Variants in PADI3 observed in about 807,000 individuals in gnomAD.
PADI3 encodes the protein protein-arginine deiminase type-3.
In PADI3, 53 loss-of-function variants were observed where a neutral mutation model predicts 71.5. The observed-to-expected ratio is 0.74, with a 90% confidence interval of 0.59 to 0.93. The LOEUF is 0.93. Among genes scored for constraint, PADI3 ranks in the 40% least tolerant of loss-of-function variants. The pLI is 0.00. For synonymous variants in PADI3, 361 were observed against 347.5 expected (o/e 1.04, Z -0.43); for missense variants, 821 against 868.0 (o/e 0.95, Z 0.68).
rs148271347 is a variant in PADI3, at chr1:17,259,690, C to A, written c.205C>A (p.Arg69Ser). 6.2e-6 allele frequency: 10 copies of A among 1,613,394 alleles called. No individual in the cohort carries two copies. The highest frequency in any genetic ancestry group is 1.7e-5 in the Admixed American group (1 of 59,962). ...GGAGCGTGCAGACACCAGGCGGTGGCGCTTTGACGCGACTTTGGAGATCAT... is the reference window on the plus strand; with the variant it reads ...GGAGCGTGCAGACACCAGGCGGTGGAGCTTTGACGCGACTTTGGAGATCAT... ...GRERADTRRW[R>S]FDATLEIIVV... Residue 69 changes from arginine (R) to serine (S), a missense_variant, in exon 2 of 16, where the codon CGC becomes AGC. By Grantham distance (110) the Arg-to-Ser change is moderately radical. Transcript: ENST00000375460.
chr1:17,260,773 C>T (rs777896907), intron 2 of PADI3, among the ~76,000 whole-genome samples: 33 of 152,164 alleles, frequency 2.2e-4, no homozygotes, highest in Non-Finnish European at 1.0e-4. Context: ...CATGATCTAG[C>T]GAGCGGCAGA....
Position 17,262,078 on chromosome 1 carries a change from T to G in PADI3, c.274-55T>G, listed in dbSNP as rs2073108821. 21 of 1,505,536 alleles carry G rather than the reference T, an allele frequency of 1.4e-5. No individual in the cohort carries two copies. The South Asian group carries it at 2.3e-4, about 16-fold the overall frequency. 93.3% of individuals were successfully genotyped at this position (1,505,536 alleles called of 1,614,324 possible). ...TACCAGATCCCCGAGAGCTATCTTT[T>G]GGGGCGGGAGCTCTTGGCTTCTGCT... On this transcript the variant is annotated intron_variant, in intron 2 of 15. Transcript: ENST00000375460.
intron 3 of PADI3, among the ~76,000 whole-genome samples, chr1:17,265,184 T>C (rs3003429): frequency 0.039 from 5,899 of 152,082 alleles, 177 homozygotes; most frequent in East Asian, 0.12. Flanking sequence ...TAGGGCTAAA[T>C]GTTAAGAAGG....
intron 10 of PADI3, 137 bp from the exon 11 acceptor site, chr1:17,274,498 C>T (rs1569912089): frequency 7.0e-6 from 5 of 710,478 alleles, no homozygotes; most frequent in East Asian, 2.7e-5. Context: ...CCCCACCCAC[C>T]GCCAATGACT....
intron 6 of PADI3, among the ~76,000 whole-genome samples, chr1:17,270,000 A>C (rs1390399762): frequency 2.0e-5 from 3 of 152,144 alleles, no homozygotes; most frequent in Non-Finnish European, 4.4e-5. Flanking sequence ...GGATGCTGCC[A>C]AATTGTGCTC....
At position 17,259,776 on chromosome 1, in the gene PADI3, G is replaced by A. The variant is rs766368755; in HGVS notation, c.273+18G>A. ...ACAGCCATGTGAGCTGGTCCCTGGTGGGGTGGGGAGAGGTTTCGAGGGAGG... is the reference window on the plus strand; with the variant it reads ...ACAGCCATGTGAGCTGGTCCCTGGTAGGGTGGGGAGAGGTTTCGAGGGAGG... On this transcript the variant is annotated intron_variant, in intron 2 of 15. Transcript: ENST00000375460. 1.3e-6 allele frequency: 2 copies of A among 1,577,742 alleles called. No individual in the cohort carries two copies. The highest frequency in any genetic ancestry group is 1.4e-5 in the African/African-American group (1 of 73,882).
chr1:17,280,252 T>C, intron 13 of PADI3, 98 bp from the exon 14 acceptor site: 1 of 912,266 alleles, frequency 1.1e-6, no homozygotes, highest in South Asian at 1.3e-5. Context: ...GCAAGACCAT[T>C]AGCTGTGAAC....
intron 3 of PADI3, among the ~76,000 whole-genome samples, chr1:17,265,098 C>G (rs911999694): frequency 6.6e-6 from 1 of 151,636 alleles, no homozygotes; most frequent in Non-Finnish European, 1.5e-5. Flanking sequence ...AAGAAGACTG[C>G]TTTTTTTTCA....
chr1:17,254,710 C>T (rs2073006837), intron 1 of PADI3, among the ~76,000 whole-genome samples: 1 of 147,528 alleles, frequency 6.8e-6, no homozygotes, highest in Non-Finnish European at 1.5e-5. Flanking sequence ...AGGGACCAGG[C>T]TCCAGCATTT....
chr1:17,265,236 A>G (rs1485782954), intron 3 of PADI3, among the ~76,000 whole-genome samples: 1 of 152,088 alleles, frequency 6.6e-6, no homozygotes, highest in Non-Finnish European at 1.5e-5. Context: ...TAGCTCAGAA[A>G]GGACACACAG....
In PADI3 at chr1:17,275,436, CAAAAAA is replaced by C. The variant is rs10617336; in HGVS notation, c.1307+668_1307+673del. Among the ~76,000 whole-genome samples, 6 of 89,482 alleles carry C rather than the reference CAAAAAA, an allele frequency of 6.7e-5. No homozygotes were observed. In the East Asian group the frequency reaches 1.4e-3, roughly 21 times the overall value. The allele number at this position is 89,482 out of a possible 152,430, so 58.7% of individuals were successfully genotyped here. On this transcript the variant is annotated intron_variant, in intron 11 of 15. Transcript: ENST00000375460. ...TGGGCGACAGAGCGAGACTCCGTCT[CAAAAAA>C]AAAAAAAAAAAAAAAAAGTAACAAA...
chr1:17,275,001 A>G (rs536520686), intron 11 of PADI3, among the ~76,000 whole-genome samples: 1 of 152,302 alleles, frequency 6.6e-6, no homozygotes, highest in African/African-American at 2.4e-5. Flanking sequence ...CAGAGACCTA[A>G]GAGATCATTC....
At chr1:17,276,322 G>A (rs1309763148) in intron 11 of PADI3, among the ~76,000 whole-genome samples, 197 bp from the exon 12 acceptor site, 2 of 152,166 alleles carry the variant, frequency 1.3e-5, no homozygotes, top group Non-Finnish European at 2.9e-5. Flanking sequence ...GAGTGACAGA[G>A]TGAGATTCCA....
intron 5 of PADI3, among the ~76,000 whole-genome samples, chr1:17,267,415 G>A (rs1209292580): frequency 6.6e-6 from 1 of 152,244 alleles, no homozygotes; most frequent in East Asian, 1.9e-4. Context: ...TGCTGTCCAC[G>A]GGAGATGCCC....
chr1:17,256,626 G>A (rs1010731330), intron 1 of PADI3, among the ~76,000 whole-genome samples: 3 of 152,348 alleles, frequency 2.0e-5, no homozygotes, highest in Admixed American at 1.3e-4. Flanking sequence ...AGGGGCTGGA[G>A]CCTGGGGACT....
intron 15 of PADI3, 80 bp from the exon 16 acceptor site, chr1:17,282,766 C>A: frequency 9.3e-7 from 1 of 1,077,740 alleles, no homozygotes; most frequent in Non-Finnish European, 1.4e-6. Context: ...GTCTAAAACA[C>A]AAACCTAGGT....
intron 10 of PADI3, 59 bp from the exon 11 acceptor site, chr1:17,274,576 G>A: frequency 1.3e-6 from 2 of 1,512,254 alleles, no homozygotes; most frequent in Non-Finnish European, 1.8e-6. Flanking sequence ...AGCCCAGCAA[G>A]TTGGTTCAGG....
rs918200383 is a variant in PADI3 at position 17,276,632 on chromosome 1, T to C, written c.1421T>C (p.Phe474Ser). 1.9e-6 allele frequency: 3 copies of C among 1,614,064 alleles called. No homozygotes were observed. Among genetic ancestry groups the C allele is most frequent in the Non-Finnish European group, 2.5e-6 (3 of 1,180,052 alleles). The change falls in exon 12 of 16, where the codon TTT (phenylalanine) becomes TCT (serine). Residue 474 changes from phenylalanine (F) to serine (S), a missense_variant. Phe to Ser is a radical substitution (Grantham distance 155). Coordinates refer to ENST00000375460, the MANE Select transcript of PADI3 (RefSeq NM_016233.2). ...DWLAVGHVDE[F>S]LSFVPAPDGK... ...TTGGCCGTGGGCCATGTGGATGAGTTTCTGAGCTTTGTCCCTGCCCCCGAT... is the reference window on the plus strand; with the variant it reads ...TTGGCCGTGGGCCATGTGGATGAGTCTCTGAGCTTTGTCCCTGCCCCCGAT...
chr1:17,265,095 C>A (rs2073150465), intron 3 of PADI3, among the ~76,000 whole-genome samples: 2 of 151,900 alleles, frequency 1.3e-5, no homozygotes, highest in South Asian at 4.2e-4. Flanking sequence ...ACTAAGAAGA[C>A]TGCTTTTTTT....
Sources: gnomAD v4.1 joint callset for allele counts (sites outside exome capture counted in the v4.1 genomes callset) on GRCh38, gnomAD v4.1.1 for gene constraint, MANE v1.5 for transcripts, NCBI Gene and HGNC (gene_info 2026-07-23, HGNC 2026-07-21) for gene names.